The following SUMF2 variants were observed in gnomAD, a reference collection of about 807,000 sequenced individuals.
SUMF2 encodes inactive C-alpha-formylglycine-generating enzyme 2.
In SUMF2, 45 loss-of-function variants were observed where a neutral mutation model predicts 44.8. That is an observed-to-expected ratio of 1.00 (90% confidence interval 0.79 to 1.29). The LOEUF (loss-of-function observed/expected upper bound fraction) is 1.29, where lower values mean the gene tolerates loss of function less well. Ranked by LOEUF, SUMF2 falls within the 50% of genes most tolerant of loss-of-function variation. SUMF2 has a pLI of 0.00. For missense variants in SUMF2, 418 were observed against 389.9 expected (o/e 1.07, Z -0.61); for synonymous variants, 148 against 150.4 (o/e 0.98, Z 0.12).
At chr7:56,073,156 T>C in intron 3 of SUMF2, 45 bp downstream of exon 3, 1 of 1,479,878 alleles carries the variant, frequency 6.8e-7, no homozygotes, top group Non-Finnish European at 9.4e-7. Context: ...GAGTGGGACC[T>C]GGACAGGGAA....
intron 2 of SUMF2, among the ~76,000 whole-genome samples, chr7:56,070,817 C>G (rs138377184): frequency 6.6e-6 from 1 of 151,898 alleles, no homozygotes; most frequent in Non-Finnish European, 1.5e-5. Context: ...TACTACTCAT[C>G]GATAAAAAGG....
At position 56,080,124 on chromosome 7, in the gene SUMF2, CAT is replaced by C. The variant is rs964717107; in HGVS notation, c.*513_*514del. ...TAGTTTCCACTGTGTAACAGGCAGA[CAT>C]GTAACTATTTAAAGCACAGTTCAGT... On this transcript the variant is annotated 3_prime_UTR_variant, in exon 9 of 9. Transcript: ENST00000434526. 1.8e-5 allele frequency: 9 copies of C among 497,146 alleles called. No individual in the cohort carries two copies. Among genetic ancestry groups the C allele is most frequent in the South Asian group, 5.1e-5 (2 of 39,306 alleles). The allele number at this position is 497,146 out of a possible 1,614,324, so 30.8% of individuals were successfully genotyped here.
intron 2 of SUMF2, among the ~76,000 whole-genome samples, 194 bp downstream of exon 2, chr7:56,068,832 A>T (rs1794984780): frequency 6.6e-6 from 1 of 151,246 alleles, no homozygotes; most frequent in African/African-American, 2.4e-5. Flanking sequence ...CCTGCCGAGC[A>T]GCTGGAATTA....
chr7:56,081,631 T>G, downstream of SUMF2: 4 of 1,613,568 alleles, frequency 2.5e-6, no homozygotes, highest in Non-Finnish European at 3.4e-6. The surrounding 1 kb of genome is among the most constrained non-coding windows in gnomAD (Gnocchi z 4.6). Flanking sequence ...GCTTAGTACC[T>G]TGAACTTCCC....
At chr7:56,087,603 T>C in the SUMF2 span, 13 of 1,612,670 alleles carry the variant, frequency 8.1e-6, no homozygotes, top group Admixed American at 5.0e-5. Flanking sequence ...CTCACTGATG[T>C]TGGGGTGCCC....
At chr7:56,080,899 C>G, downstream of SUMF2, 1 of 848,016 alleles carries the variant, frequency 1.2e-6, no homozygotes, top group Non-Finnish European at 1.8e-6. Flanking sequence ...TGTGCACAGC[C>G]TTTGAGAGGG....
the SUMF2 span, chr7:56,087,145 A>C: frequency 6.7e-6 from 5 of 748,614 alleles, no homozygotes; most frequent in Non-Finnish European, 1.2e-5. Context: ...CAGGGGAATC[A>C]GGAGGGTGCT....
At chr7:56,083,805 C>A (rs1257505993), downstream of SUMF2, 2 of 853,794 alleles carry the variant, frequency 2.3e-6, no homozygotes, top group African/African-American at 1.7e-5. Context: ...CACCCTGATA[C>A]CTCTAGAAGC....
chr7:56,064,357 G>C lies in SUMF2; in HGVS notation c.46G>C (p.Val16Leu). The change falls in exon 1 of 9, where the codon GTC becomes CTC. Residue 16 changes from valine to leucine, a missense_variant. Val to Leu is a conservative substitution (Grantham distance 32). Transcript: ENST00000434526. ...LPLLPLLSLL[V>L]GAWLKLGNGQ... is the part of the protein sequence containing the mutation. ...GCTGCTGCCCCTGCTGTCGCTCCTG[G>C]TCGGCGCGTGGCTCAAGCTAGGTCA... 1.9e-6 allele frequency: 3 copies of C among 1,604,312 alleles called. No individual in the cohort carries two copies. Among genetic ancestry groups the C allele is most frequent in the Non-Finnish European group, 1.7e-6 (2 of 1,175,940 alleles).
downstream of SUMF2, chr7:56,080,706 A>C (rs1562874683): frequency 3.1e-6 from 1 of 319,904 alleles, no homozygotes; most frequent in East Asian, 7.3e-5. Flanking sequence ...CTGTGACCCT[A>C]AGGGAAGAAA....
rs751763856 is a variant in SUMF2, at chr7:56,078,461, C to T, written c.774C>T (p.Ile258=). The T allele has an allele frequency of 1.4e-5, 23 of 1,604,098 alleles. No homozygotes were observed. The highest frequency in any genetic ancestry group is 1.7e-5 in the Admixed American group (1 of 58,714). ...GCGTCCTCCGGGGGGCATCCTGGAT[C>T]GACACAGCTGATGGCTCTGCCAATC... ...DMRVLRGASW[I]DTADGSANHR... The change falls in exon 8 of 9, where the codon ATC becomes ATT. Residue 258 remains isoleucine (I), a synonymous_variant. Coordinates refer to ENST00000434526, the MANE Select transcript of SUMF2 (RefSeq NM_015411.4).
At chr7:56,077,566 G>A (rs1224971506) in intron 6 of SUMF2, among the ~76,000 whole-genome samples, 1 of 151,458 alleles carries the variant, frequency 6.6e-6, no homozygotes, top group African/African-American at 2.4e-5. Flanking sequence ...GGCTTGGGCA[G>A]GAGAATCACT....
At chr7:56,071,710 A>G (rs1795161502) in intron 2 of SUMF2, among the ~76,000 whole-genome samples, 2 of 152,022 alleles carry the variant, frequency 1.3e-5, no homozygotes, top group East Asian at 1.9e-4. Flanking sequence ...GCTTGAACCC[A>G]GGAGGTAGAG....
At chr7:56,074,540 C>G (rs776752742) in intron 4 of SUMF2, 46 bp from the exon 5 acceptor site, 1 of 1,605,634 alleles carries the variant, frequency 6.2e-7, no homozygotes, top group South Asian at 1.1e-5. Context: ...CTGCCTCCGA[C>G]TTAATGCGCT....
the SUMF2 span, among the ~76,000 whole-genome samples, chr7:56,087,194 T>A: frequency 7.3e-6 from 1 of 136,086 alleles, no homozygotes; most frequent in Non-Finnish European, 1.6e-5. Context: ...GCCCAGGGAC[T>A]TTATTATTAT....
chr7:56,066,443 T>TTTA (rs1562858090), intron 1 of SUMF2, among the ~76,000 whole-genome samples: 9 of 152,184 alleles, frequency 5.9e-5, no homozygotes, highest in Non-Finnish European at 4.4e-5. Context: ...CTTTTTTATT[T>TTTA]TTTATTTATT....
chr7:56,073,258 G>A (rs757444520), intron 3 of SUMF2, 147 bp downstream of exon 3: 13 of 710,484 alleles, frequency 1.8e-5, no homozygotes, highest in Admixed American at 6.0e-5. Flanking sequence ...ACCATGGAGC[G>A]TCAGATCAGT....
At chr7:56,076,120 G>A (rs186800065) in intron 5 of SUMF2, among the ~76,000 whole-genome samples, 3 of 151,236 alleles carry the variant, frequency 2.0e-5, no homozygotes, top group East Asian at 2.0e-4. Flanking sequence ...TCCGCCTCCC[G>A]GGTTCACGCC....
At chr7:56,087,677 C>T in the SUMF2 span, 38 of 1,613,880 alleles carry the variant, frequency 2.4e-5, no homozygotes, top group African/African-American at 1.1e-4. Context: ...GCACCTCCTC[C>T]GGGCTGAAGC....
Sources: gnomAD v4.1 joint callset for allele counts (sites outside exome capture counted in the v4.1 genomes callset) on GRCh38, gnomAD v4.1.1 for gene constraint, Gnocchi (gnomAD v3.1) non-coding constraint, MANE v1.5 for transcripts, NCBI Gene and HGNC (gene_info 2026-07-23, HGNC 2026-07-21) for gene names.